Variants in EXOSC2 observed in about 807,000 individuals in gnomAD.
The protein encoded by EXOSC2 is exosome component 2.
EXOSC2 carries 29 observed loss-of-function variants against 37.6 expected under a neutral mutation model. The ratio of observed to expected loss-of-function variants is 0.77; its 90% CI spans 0.57 to 1.05. The LOEUF (loss-of-function observed/expected upper bound fraction) is 1.05, where lower values mean the gene tolerates loss of function less well. Among genes scored for constraint, EXOSC2 ranks in the 50% least tolerant of loss-of-function variants. The pLI, the probability that EXOSC2 is intolerant of heterozygous loss-of-function variation, is 0.00. For missense variants in EXOSC2, 346 were observed against 365.6 expected, an observed-to-expected ratio of 0.95 and a Z score of 0.44; for synonymous variants, 119 against 131.1, an observed-to-expected ratio of 0.91 and a Z score of 0.63.
Position 130,698,083 on chromosome 9 carries a change from C to A in EXOSC2, c.271-79C>A. 7.2e-7 allele frequency: 1 copy of A among 1,382,058 alleles called. No individual in the cohort carries two copies. Among genetic ancestry groups the A allele is most frequent in the Non-Finnish European group, 1.0e-6 (1 of 973,422 alleles). 85.6% of individuals were successfully genotyped at this position (1,382,058 alleles called of 1,614,324 possible). A position where few individuals can be genotyped will look rare whatever the true frequency, so the allele number is the denominator to read the frequency against. On this transcript the variant is annotated intron_variant, in intron 3 of 8. Transcript: ENST00000372358. The surrounding 1 kb of genome is among the most constrained non-coding windows in gnomAD (Gnocchi z 4.1). ...TGCTGGGATTACAGGCGTGAGCCACCACATCTGGCCTTACTGGTTATTTAT... is the reference window on the plus strand; with the variant it reads ...TGCTGGGATTACAGGCGTGAGCCACAACATCTGGCCTTACTGGTTATTTAT...
chr9:130,695,313 G>A (rs1251667450), intron 1 of EXOSC2, among the ~76,000 whole-genome samples, 179 bp from the exon 2 acceptor site: 1 of 152,188 alleles, frequency 6.6e-6, no homozygotes, highest in East Asian at 1.9e-4. Flanking sequence ...TGAGTGAGAG[G>A]AGTGATGTCC....
At position 130,703,994 on chromosome 9, in the gene EXOSC2, G is replaced by A. The variant is rs889106527; in HGVS notation, c.*220G>A. The stretch of plus-strand genomic sequence containing the variant: ...TCCTTGGGTTGCCAGCTGAGTCCCG[G>A]TATTAGGGAATAGTTTCAGCTCTTT... On this transcript the variant is annotated 3_prime_UTR_variant, in exon 9 of 9. Transcript: ENST00000372358. 1 of 406,600 alleles carries A rather than the reference G, an allele frequency of 2.5e-6. No individual in the cohort carries two copies. The highest frequency in any genetic ancestry group is 4.4e-6 in the Non-Finnish European group (1 of 227,520). 25.2% of individuals were successfully genotyped at this position (406,600 alleles called of 1,614,324 possible). A position where few individuals can be genotyped will look rare whatever the true frequency, so the allele number is the denominator to read the frequency against.
At chr9:130,701,601 A>G in intron 6 of EXOSC2, 5 of 986,826 alleles carry the variant, frequency 5.1e-6, no homozygotes, top group Non-Finnish European at 6.0e-6. Context: ...GGACTGCTGC[A>G]GTATGCTGAC....
At chr9:130,699,633 G>C in intron 5 of EXOSC2, 1 of 543,750 alleles carries the variant, frequency 1.8e-6, no homozygotes, top group Non-Finnish European at 3.3e-6. Flanking sequence ...ACGGTGGCCT[G>C]TGCTTTAGAC....
Position 130,698,210 on chromosome 9 carries a change from G to A in EXOSC2, c.319G>A (p.Val107Ile). 3 of 1,614,186 alleles carry A rather than the reference G, an allele frequency of 1.9e-6. No individual in the cohort carries two copies. Among genetic ancestry groups the A allele is most frequent in the Non-Finnish European group, 2.5e-6 (3 of 1,180,032 alleles). The change falls in exon 4 of 9, where the codon GTC becomes ATC. Residue 107 changes from valine to isoleucine, a missense_variant. Coordinates refer to ENST00000372358, the MANE Select transcript of EXOSC2 (RefSeq NM_014285.7). This position sits in a 1 kb window ranked among gnomAD's most constrained non-coding sequence, Gnocchi z 4.1. ...KVETNSRLDS[V>I]LLLSSMNLPG... Reference sequence around the variant, plus strand: ...GGAGACCAACTCCAGGCTGGATTCGGTCTTGCTGCTCTCGTCCATGAACCT... The same window carrying A: ...GGAGACCAACTCCAGGCTGGATTCGATCTTGCTGCTCTCGTCCATGAACCT...
chr9:130,693,934 G>GT, intron 1 of EXOSC2, 21 bp downstream of exon 1: 1 of 1,582,024 alleles, frequency 6.3e-7, no homozygotes, highest in Non-Finnish European at 8.6e-7. Flanking sequence ...ACTTGGGGGA[G>GT]TCGAGGCTTC....
At chr9:130,703,639 G>A (rs1383213544) in intron 8 of EXOSC2, 55 bp from the exon 9 acceptor site, 4 of 1,371,430 alleles carry the variant, frequency 2.9e-6, no homozygotes, top group South Asian at 2.5e-5. Context: ...GATTGGCTTG[G>A]TGGTCTGTTT....
intron 6 of EXOSC2, chr9:130,701,731 C>G: frequency 1.2e-6 from 1 of 839,908 alleles, no homozygotes; most frequent in Non-Finnish European, 1.4e-6. Flanking sequence ...CCCAGAGGCA[C>G]ACATCTCACA....
At position 130,703,929 on chromosome 9, in the gene EXOSC2, C is replaced by T; in HGVS notation, c.*155C>T. ...CTCCAGCCCACAGGCCTGCTTTCTC[C>T]TGTCCTAACACCAAGCCTGGGTGGC... On this transcript the variant is annotated 3_prime_UTR_variant, in exon 9 of 9. Coordinates refer to ENST00000372358, the MANE Select transcript of EXOSC2 (RefSeq NM_014285.7). 1 of 585,802 alleles carries T rather than the reference C, an allele frequency of 1.7e-6. No homozygotes were observed. Among genetic ancestry groups the T allele is most frequent in the East Asian group, 2.8e-5 (1 of 35,448 alleles). 36.3% of individuals were successfully genotyped at this position (585,802 alleles called of 1,614,324 possible).
At position 130,703,795 on chromosome 9, in the gene EXOSC2, G is replaced by C. The variant is rs1048410650; in HGVS notation, c.*21G>C. ...GATAAGGAGGTGCTCCAGAAGCACG[G>C]GACTGTGGACCTTGCAGGAGTGAAG... On this transcript the variant is annotated 3_prime_UTR_variant, in exon 9 of 9. Coordinates refer to ENST00000372358, the MANE Select transcript of EXOSC2 (RefSeq NM_014285.7). 6.3e-7 allele frequency: 1 copy of C among 1,598,964 alleles called. No individual in the cohort carries two copies. The highest frequency in any genetic ancestry group is 8.6e-7 in the Non-Finnish European group (1 of 1,168,504).
chr9:130,702,012 G>A (rs905649886), intron 6 of EXOSC2, 122 bp from the exon 7 acceptor site: 114 of 1,461,442 alleles, frequency 7.8e-5, no homozygotes, highest in Non-Finnish European at 9.9e-5. Flanking sequence ...GCATGTAGGC[G>A]ACAGCAATTA....
At chr9:130,700,172 G>T (rs1460092701) in intron 5 of EXOSC2, among the ~76,000 whole-genome samples, 1 of 151,428 alleles carries the variant, frequency 6.6e-6, no homozygotes, top group African/African-American at 2.4e-5. Context: ...ACCGGCGTGC[G>T]TCATGCCTGG....
At chr9:130,695,731 A>T in intron 2 of EXOSC2, 138 bp downstream of exon 2, 4 of 691,872 alleles carry the variant, frequency 5.8e-6, no homozygotes, top group Non-Finnish European at 5.1e-6. Flanking sequence ...CCATGACTGT[A>T]GGTGGGGTGG....
Position 130,695,510 on chromosome 9 carries a change from G to A in EXOSC2, c.141G>A (p.Met47Ile), listed in dbSNP as rs1831073296. ...GCATCAGGGGCCATGGAACGTATAT[G>A]GGAGAAGAGAAGCTCATTGCATCTG... ...TGFMRGHGTY[M>I]GEEKLIASVA... Residue 47 changes from methionine to isoleucine, a missense_variant, in exon 2 of 9, where the codon ATG becomes ATA. Met to Ile is a conservative substitution (Grantham distance 10). Transcript: ENST00000372358. The A allele has an allele frequency of 6.2e-7, 1 of 1,614,138 alleles. No individual in the cohort carries two copies. The highest frequency in any genetic ancestry group is 8.5e-7 in the Non-Finnish European group (1 of 1,179,968).
chr9:130,701,016 T>G, intron 6 of EXOSC2, 81 bp downstream of exon 6: 1 of 1,410,068 alleles, frequency 7.1e-7, no homozygotes, highest in Non-Finnish European at 1.0e-6. Context: ...TCTGGAATTC[T>G]GGCCTAAAGA....
rs1469454380 is a variant in EXOSC2, at chr9:130,698,613, T to C, written c.360+362T>C. ...TGTCTTTACATTAGGTTTTTGTGAA[T>C]TGAAAGGCATTTCATTCAACCATGT... On this transcript the variant is annotated intron_variant, in intron 4 of 8. Coordinates refer to ENST00000372358, the MANE Select transcript of EXOSC2 (RefSeq NM_014285.7). The surrounding 1 kb of genome is among the most constrained non-coding windows in gnomAD (Gnocchi z 4.1). Among the ~76,000 whole-genome samples the C allele has an allele frequency of 6.6e-6, 1 of 152,208 alleles. No homozygotes were observed. The highest frequency in any genetic ancestry group is 1.5e-5 in the Non-Finnish European group (1 of 68,030).
At chr9:130,701,684 A>G (rs771194161) in intron 6 of EXOSC2, 23 of 910,406 alleles carry the variant, frequency 2.5e-5, no homozygotes, top group Admixed American at 1.8e-4. Flanking sequence ...AGGACCAGAC[A>G]TGGATTTGCA....
intron 8 of EXOSC2, 83 bp from the exon 9 acceptor site, chr9:130,703,611 C>T (rs539328167): frequency 1.9e-5 from 20 of 1,069,490 alleles, no homozygotes; most frequent in South Asian, 3.0e-5. Context: ...TTTATGTTAA[C>T]GGCTTGATTT....
At chr9:130,702,380 G>A (rs75302950) in intron 7 of EXOSC2, 70 bp downstream of exon 7, 2 of 1,397,590 alleles carry the variant, frequency 1.4e-6, no homozygotes, top group Admixed American at 2.2e-5. Flanking sequence ...TTTGTGGCCA[G>A]TGAAGTTGGT....
Sources: allele counts gnomAD v4.1 joint callset (sites outside exome capture counted in the v4.1 genomes callset), GRCh38; gene constraint gnomAD v4.1.1; non-coding constraint Gnocchi (gnomAD v3.1); transcripts MANE v1.5; gene names NCBI Gene and HGNC (gene_info 2026-07-23, HGNC 2026-07-21).